Variants in PCDHGA6 observed in about 807,000 individuals in gnomAD.
PCDHGA6 encodes protocadherin gamma subfamily A, 6.
A neutral mutation model predicts 60.6 loss-of-function variants in PCDHGA6; 41 were observed. That is an observed-to-expected ratio of 0.68 (90% CI 0.53 to 0.88). PCDHGA6 has a LOEUF of 0.88. PCDHGA6 is among the 40% of genes least tolerant of loss of function. The pLI is 0.00. For synonymous variants in PCDHGA6, 594 were observed against 524.4 expected (o/e 1.13, Z -1.81); for missense variants, 1,312 against 1,203.0 (o/e 1.09, Z -1.34).
At chr5:141,381,826 C>CTTCTTTTTTTTTT (rs1777532522) in intron 1 of PCDHGA6, among the ~76,000 whole-genome samples, 2 of 74,284 alleles carry the variant, frequency 2.7e-5, no homozygotes, top group African/African-American at 1.2e-4. Context: ...CTTTCTTCTT[C>CTTCTTTTTTTTTT]TTTTTTTTTT....
chr5:141,482,661 T>G (rs1215403061), intron 1 of PCDHGA6, among the ~76,000 whole-genome samples: 1 of 151,742 alleles, frequency 6.6e-6, no homozygotes, highest in Non-Finnish European at 1.5e-5. Flanking sequence ...TGAGCTATGA[T>G]CTAAAGGTTG....
At position 141,494,872 on chromosome 5, in the gene PCDHGA6, G is replaced by T. The variant is rs917132299; in HGVS notation, c.2483+7G>T. On this transcript the variant is annotated splice_region_variant and intron_variant, in intron 2 of 3. Transcript: ENST00000517434. The stretch of plus-strand genomic sequence containing the variant: ...AGAGACCCGGCACCAGCGGGTAGGT[G>T]ACTGATTCTCCAGCCCACCCTCTTC... 7 of 1,614,010 alleles carry T rather than the reference G, an allele frequency of 4.3e-6. No homozygotes were observed. The highest frequency in any genetic ancestry group is 1.3e-5 in the African/African-American group (1 of 74,910).
At chr5:141,418,031 G>A (rs760396058) in intron 1 of PCDHGA6, 1 of 1,614,022 alleles carries the variant, frequency 6.2e-7, no homozygotes, top group Non-Finnish European at 8.5e-7. Context: ...AGGGCTTAGT[G>A]TCCTGGATGT....
chr5:141,478,302 C>T lies in PCDHGA6; in HGVS notation c.2425-16505C>T. On this transcript the variant is annotated intron_variant, in intron 1 of 3. Transcript: ENST00000517434. ...AAGCAGTCTAGAGACCTATACCGAG[C>T]CCCGGTGAGCTCACTGTACCGAACA... 4 of 1,614,070 alleles carry T rather than the reference C, an allele frequency of 2.5e-6. No individual in the cohort carries two copies. Among genetic ancestry groups the T allele is most frequent in the Non-Finnish European group, 3.4e-6 (4 of 1,180,038 alleles).
At chr5:141,478,165 C>G (rs780594020) in intron 1 of PCDHGA6, 13 of 1,613,920 alleles carry the variant, frequency 8.1e-6, no homozygotes, top group African/African-American at 1.3e-5. Flanking sequence ...GCTCTGCCCC[C>G]CGGGAGCAGA....
At chr5:141,501,569 G>A (rs1401631416) in intron 2 of PCDHGA6, among the ~76,000 whole-genome samples, 3 of 151,998 alleles carry the variant, frequency 2.0e-5, no homozygotes, top group African/African-American at 7.2e-5. Flanking sequence ...AATCATATTA[G>A]GCTGGCTTTC....
At chr5:141,439,183 ACT>A (rs1255299140) in intron 1 of PCDHGA6, among the ~76,000 whole-genome samples, 3 of 145,262 alleles carry the variant, frequency 2.1e-5, no homozygotes, top group Non-Finnish European at 3.0e-5. Context: ...ACATAGTGAG[ACT>A]CTGACAAAAA....
intron 1 of PCDHGA6, 115 bp from the exon 2 acceptor site, chr5:141,494,692 C>G: frequency 6.3e-7 from 1 of 1,581,934 alleles, no homozygotes; most frequent in South Asian, 1.1e-5. Context: ...CCTCTTAGTC[C>G]GTTTTCTTCT....
At chr5:141,403,105 C>T in intron 1 of PCDHGA6, 1 of 1,614,056 alleles carries the variant, frequency 6.2e-7, no homozygotes. Flanking sequence ...TCTCCAAGGA[C>T]CTGGCTCTGG....
At chr5:141,480,195 G>A (rs1350891459) in intron 1 of PCDHGA6, among the ~76,000 whole-genome samples, 1 of 151,182 alleles carries the variant, frequency 6.6e-6, no homozygotes, top group Non-Finnish European at 1.5e-5. Context: ...CTTGAGGCCA[G>A]CAGTTCAAGA....
Position 141,490,348 on chromosome 5 carries a change from G to T in PCDHGA6, c.2425-4459G>T, listed in dbSNP as rs2099698964. On this transcript the variant is annotated intron_variant, in intron 1 of 3. Transcript: ENST00000517434. The surrounding 1 kb of genome is among the most constrained non-coding windows in gnomAD (Gnocchi z 5.4). ...GAGCACACCAGTGGGCACAGTAGTG[G>T]GGTTGTTTAATGTGCGAGACCGGGA... The T allele has an allele frequency of 1.2e-6, 2 of 1,614,080 alleles. No homozygotes were observed. The highest frequency in any genetic ancestry group is 3.3e-5 in the Admixed American group (2 of 60,018).
intron 1 of PCDHGA6, chr5:141,411,445 G>A (rs926329934): frequency 1.3e-5 from 2 of 151,656 alleles, no homozygotes; most frequent in South Asian, 2.1e-4. Flanking sequence ...TTAGCAGAGT[G>A]TGGTAGCATT....
chr5:141,386,365 A>G (rs1014338903), intron 1 of PCDHGA6, among the ~76,000 whole-genome samples: 2 of 152,278 alleles, frequency 1.3e-5, no homozygotes. Flanking sequence ...GATTCCAGAG[A>G]CCTTTGAGTA....
intron 1 of PCDHGA6, chr5:141,404,187 G>A (rs370199750): frequency 3.1e-6 from 5 of 1,613,124 alleles, no homozygotes; most frequent in African/African-American, 1.3e-5. Context: ...ATTCTTGACC[G>A]AGAAAAAGCC....
chr5:141,374,968 T>C lies in PCDHGA6; in HGVS notation c.885T>C (p.Asn295=). Residue 295 remains asparagine (N), a synonymous_variant, in exon 1 of 4, where the codon AAT becomes AAC. Transcript: ENST00000517434. ...AGATCTCACAAATTTTCTGTTTGAATGTTTTGACTGGAGAAATTTCAACTT... is the reference window on the plus strand; with the variant it reads ...AGATCTCACAAATTTTCTGTTTGAACGTTTTGACTGGAGAAATTTCAACTT... ...TEKISQIFCL[N]VLTGEISTSA... 2 of 1,614,056 alleles carry C rather than the reference T, an allele frequency of 1.2e-6. No homozygotes were observed. Among genetic ancestry groups the C allele is most frequent in the Non-Finnish European group, 8.5e-7 (1 of 1,179,912 alleles).
rs1267535064 is a variant in PCDHGA6, at chr5:141,395,542, T to TTGTTTGTG, written c.2424+19038_2424+19039insTTGTGTGT. On this transcript the variant is annotated intron_variant, in intron 1 of 3. Coordinates refer to ENST00000517434, the MANE Select transcript of PCDHGA6 (RefSeq NM_018919.3). Reference sequence around the variant, plus strand: ...TCCATACTGGTAATTTTGCTATTGTTTGTGTGTGTGTGTGTGTGTGTGTGT... The same window carrying TTGTTTGTG: ...TCCATACTGGTAATTTTGCTATTGTTTGTTTGTGTGTGTGTGTGTGTGTGTGTGTGTGT... 308 of 172,612 alleles carry TTGTTTGTG rather than the reference T, an allele frequency of 1.8e-3. 2 individuals are homozygous for TTGTTTGTG. Among genetic ancestry groups the TTGTTTGTG allele is most frequent in the African/African-American group, 0.017 (292 of 17,534 alleles). The allele number at this position is 172,612 out of a possible 1,614,324, so 10.7% of individuals were successfully genotyped here.
At chr5:141,456,312 G>A (rs1036961015) in intron 1 of PCDHGA6, among the ~76,000 whole-genome samples, 2 of 152,126 alleles carry the variant, frequency 1.3e-5, no homozygotes, top group African/African-American at 4.8e-5. Flanking sequence ...AGCAGCTAGG[G>A]CTCCTCCTGG....
chr5:141,511,028 T>C lies in PCDHGA6; in HGVS notation c.2654T>C (p.Leu885Pro). ...GCCCGCTACGGACCCCAGTTCACCC[T>C]GCAGCACGTGCCCGACTACCGCCAG... ...LSARYGPQFTLQHVPDYRQNV... is the reference protein window; with the variant it reads ...LSARYGPQFTPQHVPDYRQNV... The change falls in exon 4 of 4, where the codon CTG becomes CCG. Residue 885 changes from leucine (L) to proline (P), a missense_variant. Leu to Pro is a moderately conservative substitution (Grantham distance 98, BLOSUM62 -3). Transcript: ENST00000517434. 1 of 1,614,202 alleles carries C rather than the reference T, an allele frequency of 6.2e-7. No homozygotes were observed. Among genetic ancestry groups the C allele is most frequent in the Non-Finnish European group, 8.5e-7 (1 of 1,180,028 alleles).
chr5:141,399,945 G>T, intron 1 of PCDHGA6: 2 of 1,612,308 alleles, frequency 1.2e-6, no homozygotes, highest in Non-Finnish European at 1.7e-6. Context: ...ACGTGCTGCA[G>T]GCTAGCGAGC....
Sources: gnomAD v4.1 joint callset for allele counts (sites outside exome capture counted in the v4.1 genomes callset) on GRCh38, gnomAD v4.1.1 for gene constraint, Gnocchi (gnomAD v3.1) non-coding constraint, MANE v1.5 for transcripts, NCBI Gene and HGNC (gene_info 2026-07-23, HGNC 2026-07-21) for gene names.